Variants in SRRM4 observed in about 807,000 individuals in gnomAD.
SRRM4 encodes the protein serine/arginine repetitive matrix protein 4.
In SRRM4, 33 loss-of-function variants were observed where a neutral mutation model predicts 68.9. That is an observed-to-expected ratio of 0.48 (90% CI 0.36 to 0.64). The LOEUF (loss-of-function observed/expected upper bound fraction) is 0.64. Among genes scored for constraint, SRRM4 ranks in the 30% least tolerant of loss-of-function variants. The pLI, the probability that SRRM4 is intolerant of heterozygous loss-of-function variation, is 0.00. For missense variants in SRRM4, 817 were observed against 827.1 expected (o/e 0.99, Z 0.15); for synonymous variants, 318 against 318.8 (o/e 1.00, Z 0.03).
At position 119,157,721 on chromosome 12, in the gene SRRM4, A is replaced by G. The variant is rs1235110349; in HGVS notation, c.*923A>G. 1 of 152,338 alleles carries G rather than the reference A, an allele frequency of 6.6e-6. No homozygotes were observed. Among genetic ancestry groups the G allele is most frequent in the Non-Finnish European group, 1.5e-5 (1 of 68,130 alleles). 9.4% of individuals were successfully genotyped at this position (152,338 alleles called of 1,614,324 possible). On this transcript the variant is annotated 3_prime_UTR_variant, in exon 13 of 13. Coordinates refer to ENST00000267260, the MANE Select transcript of SRRM4 (RefSeq NM_194286.4). This position sits in a 1 kb window ranked among gnomAD's most constrained non-coding sequence, Gnocchi z 4.1. Reference sequence around the variant, plus strand: ...CATCTGCTGAACATTCCCCAGTGCCATGGCCAGTTGCCAGGCCCCAGCGCC... The same window carrying G: ...CATCTGCTGAACATTCCCCAGTGCCGTGGCCAGTTGCCAGGCCCCAGCGCC...
intron 1 of SRRM4, among the ~76,000 whole-genome samples, chr12:118,999,229 TC>T (rs1199491897): frequency 6.6e-6 from 1 of 151,484 alleles, no homozygotes; most frequent in East Asian, 1.9e-4. Context: ...GGAGGGAGAG[TC>T]CTGCACCTGG....
At chr12:119,112,569 G>T (rs535198260) in intron 2 of SRRM4, among the ~76,000 whole-genome samples, 25 of 152,270 alleles carry the variant, frequency 1.6e-4, no homozygotes, top group African/African-American at 5.5e-4. Context: ...TCAATGATAG[G>T]CTGGATAAAG....
chr12:119,026,948 C>G (rs1029761234), intron 1 of SRRM4, among the ~76,000 whole-genome samples: 1 of 152,188 alleles, frequency 6.6e-6, no homozygotes. Context: ...ATTCTCACAC[C>G]TGCAAATGTT....
At chr12:119,116,592 C>T (rs1427597364) in intron 3 of SRRM4, among the ~76,000 whole-genome samples, 1 of 152,092 alleles carries the variant, frequency 6.6e-6, no homozygotes, top group African/African-American at 2.4e-5. Context: ...TTAGGCCGGT[C>T]ACTTCACCTC....
At chr12:119,013,259 A>G (rs1215816733) in intron 1 of SRRM4, among the ~76,000 whole-genome samples, 1 of 57,690 alleles carries the variant, frequency 1.7e-5, no homozygotes, top group East Asian at 2.7e-4. Context: ...TTTCCAGTTC[A>G]GAGATGAGAA....
Position 119,156,794 on chromosome 12 carries a change from G to T in SRRM4, c.1832G>T (p.Arg611Leu). ...SSADSYSSTR[R>L] ...GCAGACAGCTACTCCAGCACGAGGC[G>T]CTAAGTGCCCCTGAGCCAGCTGCCC... Residue 611 changes from arginine to leucine, a missense_variant, in exon 13 of 13, where the codon CGC (arginine) becomes CTC (leucine). Physicochemically the swap from Arg to Leu is moderately radical, Grantham distance 102. Transcript: ENST00000267260. The T allele has an allele frequency of 1.3e-6, 2 of 1,527,104 alleles. No individual in the cohort carries two copies. The highest frequency in any genetic ancestry group is 2.5e-5 in the East Asian group (1 of 40,586). The allele number at this position is 1,527,104 out of a possible 1,614,324, so 94.6% of individuals were successfully genotyped here.
At chr12:118,992,713 CTA>C (rs1258165405) in intron 1 of SRRM4, among the ~76,000 whole-genome samples, 4 of 152,298 alleles carry the variant, frequency 2.6e-5, no homozygotes, top group African/African-American at 9.6e-5. Context: ...GGCACTTAGT[CTA>C]CTGTCAGGAT....
chr12:119,035,403 TAGTA>T (rs1420001984), intron 1 of SRRM4, among the ~76,000 whole-genome samples: 1 of 152,190 alleles, frequency 6.6e-6, no homozygotes, highest in Non-Finnish European at 1.5e-5. Flanking sequence ...TCCTTGAACT[TAGTA>T]GGTGCATTTA....
intron 1 of SRRM4, among the ~76,000 whole-genome samples, chr12:119,066,051 T>G (rs1953843964): frequency 6.6e-6 from 1 of 152,240 alleles, no homozygotes; most frequent in African/African-American, 2.4e-5. Context: ...ATATGCCTTA[T>G]GGAATTTTTA....
rs114462900 is a variant in SRRM4 at position 119,072,776 on chromosome 12, G to A, written c.132-29460G>A. On this transcript the variant is annotated intron_variant, in intron 1 of 12. Transcript: ENST00000267260. The stretch of plus-strand genomic sequence containing the variant: ...CCACTACTAACTAGCTTGTTTTTGA[G>A]CCTCCCTGAGATTCCAGGCACTTCA... 8.2e-3 allele frequency among the ~76,000 whole-genome samples: 1,245 copies of A among 152,210 alleles called. 22 individuals carry two copies. Among genetic ancestry groups the A allele is most frequent in the African/African-American group, 0.029 (1,192 of 41,514 alleles).
intron 8 of SRRM4, among the ~76,000 whole-genome samples, chr12:119,137,079 T>A (rs1348172279): frequency 6.6e-6 from 1 of 151,980 alleles, no homozygotes; most frequent in Admixed American, 6.6e-5. Flanking sequence ...GAAAATAAAC[T>A]TAATGTCTTT....
chr12:119,108,669 C>G (rs1345288080), intron 2 of SRRM4, among the ~76,000 whole-genome samples: 1 of 151,056 alleles, frequency 6.6e-6, no homozygotes, highest in African/African-American at 2.4e-5. Flanking sequence ...TTTCCATTTG[C>G]TTGGTAGATC....
intron 1 of SRRM4, among the ~76,000 whole-genome samples, chr12:119,050,406 T>TG: frequency 6.6e-6 from 1 of 152,236 alleles, no homozygotes; most frequent in Non-Finnish European, 1.5e-5. Context: ...AAGGGCCTCT[T>TG]GGGGATTTTG....
chr12:119,009,805 C>A (rs577248092), intron 1 of SRRM4, among the ~76,000 whole-genome samples: 1 of 152,162 alleles, frequency 6.6e-6, no homozygotes, highest in Non-Finnish European at 1.5e-5. Context: ...AGACAATAAA[C>A]AAGGGAACCA....
At chr12:119,005,196 C>G (rs1306909200) in intron 1 of SRRM4, among the ~76,000 whole-genome samples, 2 of 152,196 alleles carry the variant, frequency 1.3e-5, no homozygotes, top group Non-Finnish European at 2.9e-5. Flanking sequence ...AGGGATTAAC[C>G]CTTTCCTGTC....
chr12:119,001,785 C>A (rs570304408), intron 1 of SRRM4: 1 of 152,110 alleles, frequency 6.6e-6, no homozygotes, highest in East Asian at 1.9e-4. Context: ...GAGTTTGAAA[C>A]CAGCCTGGGC....
At chr12:119,003,491 C>T (rs1953398413) in intron 1 of SRRM4, among the ~76,000 whole-genome samples, 3 of 151,948 alleles carry the variant, frequency 2.0e-5, no homozygotes, top group African/African-American at 7.2e-5. Flanking sequence ...TATTTCCCCT[C>T]CTTGCTTTCC....
chr12:118,982,139 C>A, intron 1 of SRRM4, 126 bp downstream of exon 1: 1 of 1,213,586 alleles, frequency 8.2e-7, no homozygotes, highest in African/African-American at 1.5e-5. Flanking sequence ...CACTACTCGG[C>A]GGCTCCCGCT....
At chr12:119,049,921 C>T (rs978507625) in intron 1 of SRRM4, among the ~76,000 whole-genome samples, 25 of 152,276 alleles carry the variant, frequency 1.6e-4, no homozygotes, top group East Asian at 9.6e-4. Context: ...CATTTTCAAA[C>T]GCAATCACAT....
Sources: allele counts gnomAD v4.1 joint callset (sites outside exome capture counted in the v4.1 genomes callset), GRCh38; gene constraint gnomAD v4.1.1; non-coding constraint Gnocchi (gnomAD v3.1); transcripts MANE v1.5; gene names NCBI Gene and HGNC (gene_info 2026-07-23, HGNC 2026-07-21).